Variants in FASTK observed in about 807,000 individuals in gnomAD.
The protein encoded by FASTK is Fas activated serine/threonine kinase.
In FASTK, 28 loss-of-function variants were observed where a neutral mutation model predicts 60.0. The observed-to-expected ratio is 0.47, with a 90% CI of 0.35 to 0.64. The LOEUF is 0.64. Among genes scored for constraint, FASTK ranks in the 30% least tolerant of loss-of-function variants. FASTK has a pLI of 0.01. For missense variants in FASTK, 595 were observed against 713.8 expected, an observed-to-expected ratio of 0.83 and a Z score of 1.90; for synonymous variants, 325 against 307.9, an observed-to-expected ratio of 1.06 and a Z score of -0.58.
At position 151,077,299 on chromosome 7, in the gene FASTK, C is replaced by T. The variant is rs1447567944; in HGVS notation, c.1291+11G>A. 1 of 1,612,882 alleles carries T rather than the reference C, an allele frequency of 6.2e-7. No individual in the cohort carries two copies. Among genetic ancestry groups the T allele is most frequent in the Non-Finnish European group, 8.5e-7 (1 of 1,179,856 alleles). ...CCGTCTCCCCGGGCCTGCCGCCTGC[C>T]CCTTGCTCACCTGTGCAGTAGCCTG... is the stretch of plus-strand genomic sequence containing the variant. On this transcript the variant is annotated intron_variant, in intron 7 of 9. Coordinates refer to ENST00000297532, the MANE Select transcript of FASTK (RefSeq NM_006712.5).
Position 151,078,585 on chromosome 7 carries a change from G to A in FASTK, c.802C>T (p.Gln268Ter). The A allele has an allele frequency of 6.2e-7, 1 of 1,613,584 alleles. No homozygotes were observed. The highest frequency in any genetic ancestry group is 1.3e-5 in the African/African-American group (1 of 75,058). The part of the protein sequence containing the change: ...LEAIAHFLVV[Q>*]ETQLSSKVVQ... ...ACCTTGCTGCTGAGTTGCGTTTCCT[G>A]AACCACCAGGAAGTGGGCAATGGCT... Residue 268 changes from glutamine to a stop codon, truncating the protein, a stop_gained, in exon 4 of 10, where the codon CAG becomes TAG. Coordinates refer to ENST00000297532, the MANE Select transcript of FASTK (RefSeq NM_006712.5). LOFTEE classifies it high-confidence loss of function.
Position 151,079,655 on chromosome 7 carries a change from G to A in FASTK, c.350C>T (p.Ala117Val), listed in dbSNP as rs762115212. The stretch of plus-strand genomic sequence containing the variant: ...CAAGAGCTGGCCCAGACGACGAAGC[G>A]CCACCGAGTAGTGGTGGGCGCGCAC... Reference protein sequence around the residue: ...SKVRAHHYSVALRRLGQLLGS... With the variant: ...SKVRAHHYSVVLRRLGQLLGS... Residue 117 changes from alanine (A) to valine (V), a missense_variant, in exon 2 of 10, where the codon GCG becomes GTG. By Grantham distance (64) the Ala-to-Val change is moderately conservative (BLOSUM62 0). This residue lies in a region of FASTK where 471 missense variants were observed against 605.9 expected (regional missense o/e 0.78). Transcript: ENST00000297532. 23 of 1,612,844 alleles carry A rather than the reference G, an allele frequency of 1.4e-5. No individual in the cohort carries two copies. The Admixed American group carries it at 1.5e-4, about 11-fold the overall frequency.
Position 151,078,020 on chromosome 7 carries a change from G to T in FASTK, c.898C>A (p.Leu300Ile). 6.2e-7 allele frequency: 1 copy of T among 1,610,722 alleles called. No individual in the cohort carries two copies. The highest frequency in any genetic ancestry group is 8.5e-7 in the Non-Finnish European group (1 of 1,177,360). Residue 300 changes from leucine to isoleucine, a missense_variant, in exon 5 of 10, where the codon CTT becomes ATT. Transcript: ENST00000297532. ...LPLEQQFMPC[L>I]ERILAREAGV... The stretch of plus-strand genomic sequence containing the variant: ...GCTTCCCGAGCCAGGATCCTCTCAA[G>T]GCAGGGCATAAACTGCTGTTCCAGG...
At chr7:151,077,465 A>G in intron 6 of FASTK, 64 bp from the exon 7 acceptor site, 1 of 1,560,330 alleles carries the variant, frequency 6.4e-7, no homozygotes, top group East Asian at 2.3e-5. Flanking sequence ...GTCCCAGTCT[A>G]GTGCCACCAC....
intron 1 of FASTK, chr7:151,080,127 G>A (rs1797907716): frequency 5.3e-6 from 3 of 570,944 alleles, no homozygotes; most frequent in Non-Finnish European, 9.3e-6. Context: ...GCTCAGCGCA[G>A]CACTACTTGC....
chr7:151,077,425 C>T, intron 6 of FASTK, 24 bp from the exon 7 acceptor site: 1 of 1,606,622 alleles, frequency 6.2e-7, no homozygotes, highest in Non-Finnish European at 8.5e-7. Flanking sequence ...ACACCAGTAG[C>T]AGGAAGGGCC....
intron 1 of FASTK, chr7:151,080,233 A>T: frequency 2.6e-6 from 1 of 390,236 alleles, no homozygotes; most frequent in Admixed American, 4.3e-5. Flanking sequence ...GGAGAAACGC[A>T]GGCCCAGAGC....
intron 4 of FASTK, 131 bp from the exon 5 acceptor site, chr7:151,078,223 T>C: frequency 1.4e-6 from 1 of 690,078 alleles, no homozygotes; most frequent in Non-Finnish European, 2.4e-6. Flanking sequence ...CCCTCCGGCC[T>C]CACAGTTCAA....
At position 151,080,776 on chromosome 7, in the gene FASTK, A is replaced by G. The variant is rs904621256; in HGVS notation, c.-10T>C. ...CCCGCGGCCTCCTCATCGGCTAGCC[A>G]CCGAGTCCGCCATCTTCCCAGCAGC... On this transcript the variant is annotated 5_prime_UTR_variant, in exon 1 of 10. Coordinates refer to ENST00000297532, the MANE Select transcript of FASTK (RefSeq NM_006712.5). 7.8e-7 allele frequency: 1 copy of G among 1,275,854 alleles called. No homozygotes were observed. 79.0% of individuals were successfully genotyped at this position (1,275,854 alleles called of 1,614,324 possible). A position where few individuals can be genotyped will look rare whatever the true frequency, so the allele number is the denominator to read the frequency against.
chr7:151,079,401 C>A, intron 2 of FASTK, 99 bp downstream of exon 2: 1 of 1,228,070 alleles, frequency 8.1e-7, no homozygotes, highest in Non-Finnish European at 1.1e-6. Context: ...CCTGGGCAAA[C>A]GCCTGAGAGG....
intron 1 of FASTK, chr7:151,080,469 T>TC (rs1797928659): frequency 7.9e-7 from 1 of 1,264,838 alleles, no homozygotes; most frequent in African/African-American, 1.6e-5. Flanking sequence ...TGGCTTCGTC[T>TC]CTCTAAGTCT....
In FASTK at chr7:151,077,247, G is replaced by C; in HGVS notation, c.1292-11C>G. ...CGCACAGCAGGAAGTCTGGAGGGGA[G>C]CAGGGCCGGCGGCCTTAGCCAGGGC... On this transcript the variant is annotated splice_polypyrimidine_tract_variant and intron_variant, in intron 7 of 9. Transcript: ENST00000297532. 1 of 1,612,294 alleles carries C rather than the reference G, an allele frequency of 6.2e-7. No homozygotes were observed. The highest frequency in any genetic ancestry group is 8.5e-7 in the Non-Finnish European group (1 of 1,179,334).
At position 151,077,145 on chromosome 7, in the gene FASTK, C is replaced by T; in HGVS notation, c.1383G>A (p.Gln461=). 1.2e-6 allele frequency: 2 copies of T among 1,612,982 alleles called. No homozygotes were observed. Among genetic ancestry groups the T allele is most frequent in the Non-Finnish European group, 1.7e-6 (2 of 1,179,504 alleles). Residue 461 remains glutamine, a synonymous_variant, in exon 8 of 10, where the codon CAG becomes CAA. Transcript: ENST00000297532. ...FLPYPPRSCP[Q]GQAASSATTR... is the part of the protein sequence containing the mutation. ...TAGTGGCGCTAGAGGCAGCCTGGCC[C>T]TGTGGGCAGGACCTTGGTGGGTATG...
intron 4 of FASTK, 107 bp from the exon 5 acceptor site, chr7:151,078,199 A>G (rs1797774160): frequency 1.2e-6 from 1 of 837,978 alleles, no homozygotes; most frequent in African/African-American, 1.7e-5. Context: ...ACACTGCTGT[A>G]AAGACAGGAC....
intron 2 of FASTK, 92 bp downstream of exon 2, chr7:151,079,408 G>C: frequency 1.6e-6 from 2 of 1,284,740 alleles, no homozygotes; most frequent in Non-Finnish European, 2.1e-6. Context: ...AAACGCCTGA[G>C]AGGCTGGGTC....
Position 151,079,003 on chromosome 7 carries a change from G to A in FASTK, c.524C>T (p.Pro175Leu). The change falls in exon 3 of 10, where the codon CCC becomes CTC. Residue 175 changes from proline to leucine, a missense_variant. Transcript: ENST00000297532. ...AVLLGFPSDG[P>L]LVCALEQERR... ...CTCCTGTTCCAGGGCACACACCAGG[G>A]GACCATCAGATGGAAAGCCTGAGGG... The A allele has an allele frequency of 6.7e-7, 1 of 1,495,552 alleles. No homozygotes were observed. The highest frequency in any genetic ancestry group is 2.9e-5 in the Admixed American group (1 of 34,890). 92.6% of individuals were successfully genotyped at this position (1,495,552 alleles called of 1,614,324 possible). A position where few individuals can be genotyped will look rare whatever the true frequency, so the allele number is the denominator to read the frequency against.
chr7:151,080,652 TCCCGCAGCCCTC>T, intron 1 of FASTK, 21 bp downstream of exon 1: 1 of 1,426,142 alleles, frequency 7.0e-7, no homozygotes, highest in South Asian at 1.4e-5. Flanking sequence ...CCCGCTGCCC[TCCCGCAGCCCTC>T]CCCGCAGGCG....
In FASTK at chr7:151,078,641, C is replaced by T. The variant is rs558112465; in HGVS notation, c.746G>A (p.Arg249Gln). The T allele has an allele frequency of 8.1e-6, 13 of 1,613,382 alleles. No homozygotes were observed. Among genetic ancestry groups the T allele is most frequent in the Middle Eastern group, 1.6e-4 (1 of 6,062 alleles). The change falls in exon 4 of 10, where the codon CGG becomes CAG. Residue 249 changes from arginine (R) to glutamine (Q), a missense_variant. This residue lies in a region of FASTK where 471 missense variants were observed against 605.9 expected (regional missense o/e 0.78). Transcript: ENST00000297532. The stretch of plus-strand genomic sequence containing the variant: ...AAGCTGGGGCTCCCGCAACCGGTGC[C>T]GGGCCAGGTGCTGGGCCAGGAGCAC... The part of the protein sequence containing the change: ...VMVLLAQHLA[R>Q]HRLREPQLLE...
Position 151,077,131 on chromosome 7 carries a change from G to T in FASTK, c.1397C>A (p.Ser466Tyr). 6.2e-7 allele frequency: 1 copy of T among 1,612,322 alleles called. No homozygotes were observed. Residue 466 changes from serine (S) to tyrosine (Y), a missense_variant, in exon 8 of 10, where the codon TCT becomes TAT. Physicochemically the swap from Ser to Tyr is moderately radical, Grantham distance 144 (BLOSUM62 -2). Transcript: ENST00000297532. ...PRSCPQGQAA[S>Y]SATTRDPAQR... ...GGCAGGGTCTCGAGTAGTGGCGCTA[G>T]AGGCAGCCTGGCCCTGTGGGCAGGA...
Sources: allele counts gnomAD v4.1 joint callset, GRCh38; gene constraint gnomAD v4.1.1; regional missense constraint gnomAD v4.1.1; transcripts MANE v1.5; gene names NCBI Gene and HGNC (gene_info 2026-07-23, HGNC 2026-07-21).